The following AXIN2 variants were observed in gnomAD, a reference collection of about 807,000 sequenced individuals.
AXIN2 encodes the protein axin 2, also known as axin-2.
Under a neutral mutation model 74.7 loss-of-function variants are expected in AXIN2, and 21 were observed. That is an observed-to-expected ratio of 0.28 (90% CI 0.20 to 0.40). The LOEUF is 0.40. Among genes scored for constraint, AXIN2 ranks in the 10% least tolerant of loss-of-function variants. AXIN2 has a pLI of 1.00. For synonymous variants in AXIN2, 532 were observed against 454.9 expected (o/e 1.17, Z -2.16); for missense variants, 1,144 against 1,111.1 (o/e 1.03, Z -0.42).
In AXIN2 at chr17:65,541,538, G is replaced by C. The variant is rs201387209; in HGVS notation, c.976C>G (p.Arg326Gly). The change falls in exon 4 of 11, where the codon CGT becomes GGT. Residue 326 changes from arginine to glycine, a missense_variant. This residue lies in a region of AXIN2 where 1,053 missense variants were observed against 973.5 expected (regional missense o/e 1.08). Transcript: ENST00000307078. ...DSSVDGIPPY[R>G]VGSKKQLQRE... ...TGGAGCTGTTTCTTACTGCCCACACGATAAGGAGGAATTCCATCTCTAAGG... is the reference window on the plus strand; with the variant it reads ...TGGAGCTGTTTCTTACTGCCCACACCATAAGGAGGAATTCCATCTCTAAGG... The C allele has an allele frequency of 6.2e-7, 1 of 1,613,910 alleles. No individual in the cohort carries two copies. The highest frequency in any genetic ancestry group is 1.3e-5 in the African/African-American group (1 of 74,910).
At position 65,536,892 on chromosome 17, in the gene AXIN2, C is replaced by A. The variant is rs1307368931; in HGVS notation, c.1884G>T (p.Arg628=). ...DVWQWMLESE[R]QSKPKPHSAQ... ...ACCTATGGGGCTTGGGCTTGCTCTG[C>A]CGCTCACTCTCCAGCATCCACTGCC... is the stretch of plus-strand genomic sequence containing the variant. Residue 628 remains arginine, a synonymous_variant, in exon 7 of 11, where the codon CGG becomes CGT. Transcript: ENST00000307078. The A allele has an allele frequency of 6.2e-7, 1 of 1,613,446 alleles. No homozygotes were observed. The highest frequency in any genetic ancestry group is 2.2e-5 in the East Asian group (1 of 44,870).
intron 2 of AXIN2, among the ~76,000 whole-genome samples, chr17:65,555,560 C>T (rs962376964): frequency 6.6e-6 from 1 of 152,116 alleles, no homozygotes; most frequent in African/African-American, 2.4e-5. Flanking sequence ...CTAATTATAA[C>T]ACTTTGCGGC....
At chr17:65,549,741 G>C in intron 2 of AXIN2, 81 bp from the exon 3 acceptor site, 1 of 1,522,568 alleles carries the variant, frequency 6.6e-7, no homozygotes, top group Admixed American at 2.0e-5. Context: ...GGACAACCCA[G>C]CACACTATCC....
At chr17:65,538,810 G>A (rs1567757927) in intron 4 of AXIN2, among the ~76,000 whole-genome samples, 1 of 152,060 alleles carries the variant, frequency 6.6e-6, no homozygotes, top group African/African-American at 2.4e-5. Context: ...TTGGAAAGGA[G>A]GTGGGAGGAA....
At position 65,558,752 on chromosome 17, in the gene AXIN2, A is replaced by C. The variant is rs1057524576; in HGVS notation, c.-116-16T>G. The C allele has an allele frequency of 7.5e-6, 7 of 935,540 alleles. No individual in the cohort carries two copies. The highest frequency in any genetic ancestry group is 1.2e-5 in the Non-Finnish European group (7 of 602,280). The allele number at this position is 935,540 out of a possible 1,614,324, so 58.0% of individuals were successfully genotyped here. ...AACCTCCTCTCTGGAAAGAAAAGGAAGGGGGGAGGTGGGGAGAGAGAAAAG... is the reference window on the plus strand; with the variant it reads ...AACCTCCTCTCTGGAAAGAAAAGGACGGGGGGAGGTGGGGAGAGAGAAAAG... On this transcript the variant is annotated splice_polypyrimidine_tract_variant and intron_variant, in intron 1 of 10. Transcript: ENST00000307078.
chr17:65,540,782 C>T (rs975455956), intron 4 of AXIN2, among the ~76,000 whole-genome samples: 13 of 152,176 alleles, frequency 8.5e-5, no homozygotes, highest in African/African-American at 2.7e-4. Flanking sequence ...CTTCCCCTTG[C>T]GCATCATGAT....
chr17:65,538,526 G>A (rs919183538), intron 4 of AXIN2, among the ~76,000 whole-genome samples, 183 bp from the exon 5 acceptor site: 2 of 152,022 alleles, frequency 1.3e-5, no homozygotes, highest in Admixed American at 1.3e-4. Context: ...CTCATGGAGA[G>A]CCATGGTCCC....
At chr17:65,546,824 T>A (rs2044125998) in intron 3 of AXIN2, among the ~76,000 whole-genome samples, 1 of 152,208 alleles carries the variant, frequency 6.6e-6, no homozygotes. Context: ...GTTTATTCAC[T>A]ATCCATCCAA....
Position 65,537,034 on chromosome 17 carries a change from C to T in AXIN2, c.1742G>A (p.Arg581His), listed in dbSNP as rs730881399. 3 of 1,608,830 alleles carry T rather than the reference C, an allele frequency of 1.9e-6. No individual in the cohort carries two copies. The highest frequency in any genetic ancestry group is 1.7e-5 in the Admixed American group (1 of 59,956). Residue 581 changes from arginine (R) to histidine (H), a missense_variant, in exon 7 of 11, where the codon CGC (arginine) becomes CAC (histidine). Physicochemically the swap from Arg to His is conservative, Grantham distance 29 (BLOSUM62 0). Coordinates refer to ENST00000307078, the MANE Select transcript of AXIN2 (RefSeq NM_004655.4). ...GGSRGSTLPK[R>H]NGKGTEPGLA... ...GCCCGGCTCCGTGCCTTTCCCATTG[C>T]GTTTGGGCAAGGTACTGCCTCTGCT...
intron 3 of AXIN2, among the ~76,000 whole-genome samples, chr17:65,546,344 A>T (rs2044118392): frequency 6.6e-6 from 1 of 152,124 alleles, no homozygotes; most frequent in Non-Finnish European, 1.5e-5. Context: ...CGAGGCCTAC[A>T]ATTGGCAGAG....
At chr17:65,549,911 T>C (rs1016449452) in intron 2 of AXIN2, among the ~76,000 whole-genome samples, 3 of 152,134 alleles carry the variant, frequency 2.0e-5, no homozygotes, top group African/African-American at 7.2e-5. Context: ...GCAGAGAGTA[T>C]TCCAGAGGCA....
Position 65,537,794 on chromosome 17 carries a change from C to T in AXIN2, c.1242G>A (p.Arg414=), listed in dbSNP as rs200325634. ...GGGGGTGCTGCGTGGGCGCCCCCTC[C>T]CGCGAATTGAGTGTGAGCTCGGAGC... ...REGSELTLNS[R]EGAPTQHPLS... The change falls in exon 6 of 11, where the codon CGG becomes CGA. Residue 414 remains arginine, a synonymous_variant. Coordinates refer to ENST00000307078, the MANE Select transcript of AXIN2 (RefSeq NM_004655.4). 9.0e-5 allele frequency: 143 copies of T among 1,586,584 alleles called. No homozygotes were observed. The East Asian group carries it at 3.2e-3, about 35-fold the overall frequency.
chr17:65,547,770 C>G (rs1052523175), intron 3 of AXIN2, among the ~76,000 whole-genome samples: 2 of 152,134 alleles, frequency 1.3e-5, no homozygotes, highest in Non-Finnish European at 2.9e-5. Flanking sequence ...GTAATATATG[C>G]TACAGGAGGA....
At position 65,536,485 on chromosome 17, in the gene AXIN2, C is replaced by T. The variant is rs730881400; in HGVS notation, c.1976G>A (p.Arg659Gln). ...GCTGTTGCCCCCCCACAGATGGTGC[C>T]GGCTGGCTCGTTCGCCTGGAGACGA... ...ARSSPGERAS[R>Q]HHLWGGNSGH... The change falls in exon 8 of 11, where the codon CGG becomes CAG. Residue 659 changes from arginine (R) to glutamine (Q), a missense_variant. Arg to Gln is a conservative substitution (Grantham distance 43). Around this residue, in one of 4 missense-constraint regions of AXIN2, gnomAD observed 1,053 missense variants for 973.5 expected, o/e 1.08. Transcript: ENST00000307078. The T allele has an allele frequency of 2.6e-5, 42 of 1,613,670 alleles. No homozygotes were observed. The highest frequency in any genetic ancestry group is 5.3e-5 in the African/African-American group (4 of 74,942).
intron 3 of AXIN2, among the ~76,000 whole-genome samples, chr17:65,545,336 C>T: frequency 6.6e-6 from 1 of 152,222 alleles, no homozygotes; most frequent in Non-Finnish European, 1.5e-5. Flanking sequence ...GAATGGCCCA[C>T]AAGCCTTCTG....
intron 9 of AXIN2, among the ~76,000 whole-genome samples, chr17:65,534,422 G>A (rs2043875186): frequency 1.3e-5 from 2 of 152,368 alleles, no homozygotes; most frequent in South Asian, 4.1e-4. Flanking sequence ...AAGAAGATGA[G>A]AGAAGAGAAA....
chr17:65,529,980 T>A lies in AXIN2; in HGVS notation c.2528A>T (p.Asp843Val), dbSNP rs1413374885. The A allele has an allele frequency of 1.2e-6, 2 of 1,614,084 alleles. No individual in the cohort carries two copies. The highest frequency in any genetic ancestry group is 3.3e-5 in the Admixed American group (2 of 60,004). The change falls in exon 11 of 11, where the codon GAT becomes GTT. Residue 843 changes from aspartate to valine, a missense_variant. Around this residue, in one of 4 missense-constraint regions of AXIN2, gnomAD observed 65 missense variants for 95.7 expected, o/e 0.68. Transcript: ENST00000307078. ...GRILGKVERI[D>V] is the part of the protein sequence containing the mutation. ...ACCAAAGCCAGACCCCAGGGCTCAA[T>A]CGATCCGCTCCACTTTGCCCAGAAT...
At chr17:65,533,271 T>C (rs1236480091) in intron 10 of AXIN2, among the ~76,000 whole-genome samples, 2 of 151,772 alleles carry the variant, frequency 1.3e-5, no homozygotes, top group Non-Finnish European at 2.9e-5. Flanking sequence ...ACAGGAGGAG[T>C]AGACTGCCCT....
At chr17:65,540,580 T>C (rs1321956421) in intron 4 of AXIN2, among the ~76,000 whole-genome samples, 5 of 152,130 alleles carry the variant, frequency 3.3e-5, no homozygotes, top group Admixed American at 3.3e-4. Flanking sequence ...CCCCTCCAAA[T>C]CTCATGTTGA....
Sources: allele counts gnomAD v4.1 joint callset (sites outside exome capture counted in the v4.1 genomes callset), GRCh38; gene constraint gnomAD v4.1.1; regional missense constraint gnomAD v4.1.1; transcripts MANE v1.5; gene names NCBI Gene and HGNC (gene_info 2026-07-23, HGNC 2026-07-21).